The following DOCK2 variants were observed in gnomAD, a reference collection of about 807,000 sequenced individuals.
DOCK2 encodes the protein dedicator of cytokinesis protein 2.
DOCK2 carries 87 observed loss-of-function variants against 248.9 expected under a neutral mutation model. The observed-to-expected ratio is 0.35, with a 90% CI of 0.29 to 0.42. The LOEUF (loss-of-function observed/expected upper bound fraction) is 0.42. Ranked by LOEUF, DOCK2 falls within the 10% of genes least tolerant of loss-of-function variation. DOCK2 has a pLI of 1.00. For missense variants in DOCK2, 1,747 were observed against 2,300.2 expected, an observed-to-expected ratio of 0.76 and a Z score of 4.92; for synonymous variants, 805 against 821.6, an observed-to-expected ratio of 0.98 and a Z score of 0.35.
At chr5:169,792,449 A>ATG (rs1026665601) in intron 25 of DOCK2, among the ~76,000 whole-genome samples, 13 of 106,638 alleles carry the variant, frequency 1.2e-4, no homozygotes, top group Admixed American at 5.4e-4. Flanking sequence ...TATATTTTAT[A>ATG]TATGTGTGTG....
At chr5:169,641,492 G>C (rs1365265276) in intron 1 of DOCK2, among the ~76,000 whole-genome samples, 1 of 152,214 alleles carries the variant, frequency 6.6e-6, no homozygotes, top group Non-Finnish European at 1.5e-5. Context: ...ATGGATTTTT[G>C]TTGAAGGGAA....
intron 20 of DOCK2, 36 bp downstream of exon 20, chr5:169,716,338 G>A (rs764940981): frequency 1.4e-5 from 22 of 1,598,008 alleles, no homozygotes; most frequent in Admixed American, 6.7e-5. Context: ...GTGACAACAG[G>A]CATTAATGTA....
intron 2 of DOCK2, among the ~76,000 whole-genome samples, chr5:169,666,131 G>C (rs1314538962): frequency 6.6e-6 from 1 of 152,120 alleles, no homozygotes; most frequent in Non-Finnish European, 1.5e-5. Context: ...CTGGTTTCTG[G>C]TGGGGGCCGC....
At chr5:169,692,830 A>G (rs1455467819) in intron 9 of DOCK2, among the ~76,000 whole-genome samples, 1 of 152,094 alleles carries the variant, frequency 6.6e-6, no homozygotes, top group Admixed American at 6.6e-5. Flanking sequence ...CTTCTCCCTG[A>G]GTCTTCACCG....
chr5:169,716,638 G>A lies in DOCK2; in HGVS notation c.2031+336G>A, dbSNP rs552342961. Among the ~76,000 whole-genome samples, 3 of 152,238 alleles carry A rather than the reference G, an allele frequency of 2.0e-5. No individual in the cohort carries two copies. The East Asian group carries it at 5.8e-4, about 29-fold the overall frequency. On this transcript the variant is annotated intron_variant, in intron 20 of 51. Coordinates refer to ENST00000520908, the MANE Select transcript of DOCK2 (RefSeq NM_004946.3). ...AGCTAGTCCCTGGCTAGGTTGTAAAGCACCAAAAATGTTTCTTAGCTTTCC... is the reference window on the plus strand; with the variant it reads ...AGCTAGTCCCTGGCTAGGTTGTAAAACACCAAAAATGTTTCTTAGCTTTCC...
At chr5:169,982,709 C>G (rs1312004900) in intron 27 of DOCK2, among the ~76,000 whole-genome samples, 1 of 152,220 alleles carries the variant, frequency 6.6e-6, no homozygotes, top group Admixed American at 6.5e-5. Context: ...CCACCTGATT[C>G]TTTTGATACT....
chr5:169,782,601 C>G (rs183704753), intron 25 of DOCK2, among the ~76,000 whole-genome samples: 14 of 151,554 alleles, frequency 9.2e-5, no homozygotes, highest in Non-Finnish European at 2.1e-4. Flanking sequence ...CTTCTTTCTA[C>G]GCCTTAGGGT....
intron 1 of DOCK2, among the ~76,000 whole-genome samples, chr5:169,650,458 C>G (rs1757741413): frequency 6.6e-6 from 1 of 152,172 alleles, no homozygotes; most frequent in South Asian, 2.1e-4. Flanking sequence ...GCACAAAGCA[C>G]AGAGACCCTT....
At chr5:170,024,758 T>C (rs1755846930) in intron 33 of DOCK2, among the ~76,000 whole-genome samples, 1 of 152,176 alleles carries the variant, frequency 6.6e-6, no homozygotes, top group African/African-American at 2.4e-5. Flanking sequence ...TGCCACAGAC[T>C]GTGAGCATAG....
intron 25 of DOCK2, among the ~76,000 whole-genome samples, chr5:169,782,010 T>TA (rs1765741498): frequency 1.3e-5 from 2 of 152,150 alleles, no homozygotes; most frequent in African/African-American, 4.8e-5. Flanking sequence ...TGGCAGGTTT[T>TA]AAAATCAATT....
intron 8 of DOCK2, among the ~76,000 whole-genome samples, chr5:169,686,854 G>A (rs1175310527): frequency 1.3e-5 from 2 of 152,166 alleles, no homozygotes; most frequent in Non-Finnish European, 2.9e-5. Flanking sequence ...CAAAAGAGAA[G>A]CAGTTCAGGT....
chr5:169,975,211 C>T (rs1429545539), intron 27 of DOCK2, among the ~76,000 whole-genome samples: 1 of 152,218 alleles, frequency 6.6e-6, no homozygotes, highest in African/African-American at 2.4e-5. Flanking sequence ...ACATTTAAAA[C>T]ATAATTTGTG....
At chr5:169,903,777 T>A (rs1414377634) in intron 27 of DOCK2, among the ~76,000 whole-genome samples, 1 of 151,990 alleles carries the variant, frequency 6.6e-6, no homozygotes, top group African/African-American at 2.4e-5. Context: ...GACTTAACCC[T>A]AAGAGCAGTG....
chr5:169,920,085 G>A (rs780255413), intron 27 of DOCK2, among the ~76,000 whole-genome samples: 1 of 151,954 alleles, frequency 6.6e-6, no homozygotes, highest in African/African-American at 2.4e-5. Context: ...TTTTATCTCC[G>A]GTGAATAGTT....
intron 34 of DOCK2, among the ~76,000 whole-genome samples, chr5:170,030,256 A>G (rs770136110): frequency 9.9e-5 from 15 of 152,150 alleles, no homozygotes; most frequent in South Asian, 2.1e-4. Context: ...AAAGAAATTA[A>G]AGACAGCTCA....
intron 29 of DOCK2, among the ~76,000 whole-genome samples, chr5:169,987,651 A>C (rs1183301222): frequency 6.6e-6 from 1 of 152,210 alleles, no homozygotes; most frequent in Non-Finnish European, 1.5e-5. Flanking sequence ...TCCCAGCTTC[A>C]TTCAAACTTT....
At chr5:169,835,314 G>A (rs1445024707) in intron 26 of DOCK2, among the ~76,000 whole-genome samples, 2 of 141,292 alleles carry the variant, frequency 1.4e-5, no homozygotes, top group African/African-American at 2.6e-5. Context: ...GAGTGCAATA[G>A]TGCAATCTCG....
In DOCK2 at chr5:169,689,352, C is replaced by T. The variant is rs761042030; in HGVS notation, c.843+19C>T. On this transcript the variant is annotated intron_variant, in intron 9 of 51. Transcript: ENST00000520908. Reference sequence around the variant, plus strand: ...CTTCACGGTGAGTGTGCACCCTCTTCTCGTTACCGTGCTCCCCAACCACAA... The same window carrying T: ...CTTCACGGTGAGTGTGCACCCTCTTTTCGTTACCGTGCTCCCCAACCACAA... 6.2e-6 allele frequency: 10 copies of T among 1,613,250 alleles called. No individual in the cohort carries two copies. The East Asian group carries it at 6.7e-5, about 11-fold the overall frequency.
chr5:169,925,883 G>A (rs1031614601), intron 27 of DOCK2, among the ~76,000 whole-genome samples: 3 of 152,164 alleles, frequency 2.0e-5, no homozygotes, highest in African/African-American at 7.2e-5. Flanking sequence ...GATGTTCCCT[G>A]GCAGCTGGGC....
Sources: allele counts gnomAD v4.1 joint callset (sites outside exome capture counted in the v4.1 genomes callset), GRCh38; gene constraint gnomAD v4.1.1; transcripts MANE v1.5; gene names NCBI Gene and HGNC (gene_info 2026-07-23, HGNC 2026-07-21).